MTA3: variants seen among roughly 807,000 people sequenced by gnomAD.
The protein encoded by MTA3 is metastasis associated 1 family member 3.
MTA3 carries 34 observed loss-of-function variants against 83.5 expected under a neutral mutation model. The ratio of observed to expected loss-of-function variants is 0.41; its 90% CI spans 0.31 to 0.54. The LOEUF is 0.54. MTA3 is among the 20% of genes least tolerant of loss of function. The pLI, the probability that MTA3 is intolerant of heterozygous loss-of-function variation, is 0.33. For missense variants in MTA3, 761 were observed against 726.4 expected, an observed-to-expected ratio of 1.05 and a Z score of -0.55; for synonymous variants, 303 against 252.7, an observed-to-expected ratio of 1.20 and a Z score of -1.89.
At chr2:42,627,022 T>G (rs1573367671) in intron 4 of MTA3, among the ~76,000 whole-genome samples, 1 of 152,256 alleles carries the variant, frequency 6.6e-6, no homozygotes, top group East Asian at 1.9e-4. Context: ...ATTACAGGCA[T>G]GAGCCACTGC....
chr2:42,746,558 C>T (rs1669447574), intron 16 of MTA3, among the ~76,000 whole-genome samples: 1 of 152,208 alleles, frequency 6.6e-6, no homozygotes, highest in Admixed American at 6.5e-5. Flanking sequence ...CACAAGACTG[C>T]CACCCGACTT....
At chr2:42,646,884 C>T (rs904230585) in intron 6 of MTA3, among the ~76,000 whole-genome samples, 8 of 152,050 alleles carry the variant, frequency 5.3e-5, no homozygotes, top group Non-Finnish European at 1.0e-4. Context: ...TGGCTGAGCA[C>T]GGTGGCACAC....
chr2:42,654,851 A>G (rs1215818840), intron 6 of MTA3, among the ~76,000 whole-genome samples: 1 of 152,134 alleles, frequency 6.6e-6, no homozygotes, highest in East Asian at 1.9e-4. Flanking sequence ...TCTGGTCTCA[A>G]GTAATCCTCC....
intron 2 of MTA3, among the ~76,000 whole-genome samples, chr2:42,514,981 A>G (rs1259051631): frequency 3.3e-5 from 5 of 151,646 alleles, no homozygotes; most frequent in Non-Finnish European, 7.4e-5. Flanking sequence ...GTGACCCACT[A>G]TGACCGGCCT....
chr2:42,497,093 C>A (rs1164533985), intron 2 of MTA3, among the ~76,000 whole-genome samples: 1 of 152,078 alleles, frequency 6.6e-6, no homozygotes, highest in East Asian at 1.9e-4. Context: ...GTAATCCCAG[C>A]TACTGGGGAG....
chr2:42,587,344 C>T (rs912919356), intron 3 of MTA3, among the ~76,000 whole-genome samples: 8 of 152,090 alleles, frequency 5.3e-5, no homozygotes, highest in African/African-American at 1.9e-4. Flanking sequence ...AATGAGCAAA[C>T]ATTTAAAAGA....
At chr2:42,691,070 T>C (rs1692850454) in intron 9 of MTA3, among the ~76,000 whole-genome samples, 2 of 151,834 alleles carry the variant, frequency 1.3e-5, no homozygotes, top group African/African-American at 4.8e-5. Context: ...AGAAATGGGG[T>C]TTCACTATGT....
rs535456367 is a variant in MTA3 at position 42,559,844 on chromosome 2, G to A, written c.-140-10593G>A. Among the ~76,000 whole-genome samples, 23 of 151,560 alleles carry A rather than the reference G, an allele frequency of 1.5e-4. No individual in the cohort carries two copies. The East Asian group carries it at 3.9e-3, about 26-fold the overall frequency. On this transcript the variant is annotated intron_variant, in intron 2 of 17. Coordinates refer to the MTA3 transcript ENST00000405592. ...GGGGGTGCGGTGGAGGTTGCAGTAA[G>A]CCGAGATTGAGCCGCTGCACTCCAG...
intron 2 of MTA3, among the ~76,000 whole-genome samples, chr2:42,545,619 C>T (rs768114266): frequency 2.6e-5 from 4 of 152,024 alleles, no homozygotes; most frequent in Non-Finnish European, 4.4e-5. Flanking sequence ...GGGTATAAGG[C>T]CTACCTCATT....
At chr2:42,600,187 G>T (rs1478186096) in intron 3 of MTA3, among the ~76,000 whole-genome samples, 2 of 152,132 alleles carry the variant, frequency 1.3e-5, no homozygotes, top group African/African-American at 4.8e-5. Context: ...AACAGAGCGA[G>T]ACTCTGTCTC....
At chr2:42,570,540 A>G (rs1465009923) in intron 2 of MTA3, 36 bp downstream of exon 2, 1 of 1,247,792 alleles carries the variant, frequency 8.0e-7, no homozygotes, top group Admixed American at 2.5e-5. Flanking sequence ...AATATTAAAA[A>G]TATTTATTTT....
In MTA3 at chr2:42,594,728, A is replaced by ATATATATTTTTTTTTT; in HGVS notation, c.191-14729_191-14728insATATATTTTTTTTTTT. ...TACATATATATATATATATATATAT[A>ATATATATTTTTTTTTT]TTTTTTTTTTTTTTTTGAGACAGAG... is the stretch of plus-strand genomic sequence containing the variant. On this transcript the variant is annotated intron_variant, in intron 3 of 16. Coordinates refer to ENST00000405094, the MANE Select transcript of MTA3 (RefSeq NM_001330442.2). Among the ~76,000 whole-genome samples, 203 of 24,016 alleles carry ATATATATTTTTTTTTT rather than the reference A, an allele frequency of 8.5e-3. 8 individuals are homozygous for ATATATATTTTTTTTTT. Among genetic ancestry groups the ATATATATTTTTTTTTT allele is most frequent in the Non-Finnish European group, 0.011 (166 of 15,440 alleles). 15.8% of individuals were successfully genotyped at this position (24,016 alleles called of 152,430 possible).
chr2:42,643,770 G>A (rs899266956), intron 5 of MTA3, among the ~76,000 whole-genome samples: 65 of 152,316 alleles, frequency 4.3e-4, no homozygotes, highest in African/African-American at 1.4e-3. Context: ...GTGGACTTCA[G>A]AAGTTTATAA....
intron 12 of MTA3, among the ~76,000 whole-genome samples, chr2:42,704,594 G>A (rs944536860): frequency 6.6e-6 from 1 of 152,200 alleles, no homozygotes; most frequent in African/African-American, 2.4e-5. Context: ...TTGCTGAGTT[G>A]TGTTTAGAGT....
chr2:42,755,247 A>G lies in MTA3; in HGVS notation c.*1848A>G, dbSNP rs998588124. 2 of 985,202 alleles carry G rather than the reference A, an allele frequency of 2.0e-6. No homozygotes were observed. Among genetic ancestry groups the G allele is most frequent in the Admixed American group, 6.1e-5 (1 of 16,266 alleles). The allele number at this position is 985,202 out of a possible 1,614,324, so 61.0% of individuals were successfully genotyped here. ...ACCCAGAAGGGGAAATGATTCCCTC[A>G]CCCTTTCACTTTCTCTCTGAACCCC... On this transcript the variant is annotated 3_prime_UTR_variant, in exon 17 of 17. Transcript: ENST00000405094.
At chr2:42,686,858 C>T (rs1692417328) in intron 9 of MTA3, among the ~76,000 whole-genome samples, 1 of 150,262 alleles carries the variant, frequency 6.7e-6, no homozygotes, top group African/African-American at 2.5e-5. Flanking sequence ...GTGGCTCACA[C>T]TTGTAATCCA....
chr2:42,736,949 C>T (rs1668654479), intron 16 of MTA3, among the ~76,000 whole-genome samples: 1 of 152,196 alleles, frequency 6.6e-6, no homozygotes, highest in Non-Finnish European at 1.5e-5. Flanking sequence ...ATGGGGGCCT[C>T]ACAGCTGTGT....
chr2:42,542,368 T>G (rs944425798), intron 2 of MTA3, among the ~76,000 whole-genome samples: 4 of 152,192 alleles, frequency 2.6e-5, no homozygotes, highest in African/African-American at 9.7e-5. Context: ...GATACCCATA[T>G]GTGAAGAAAA....
intron 4 of MTA3, among the ~76,000 whole-genome samples, chr2:42,622,375 C>T (rs1040507295): frequency 4.5e-4 from 48 of 107,616 alleles, no homozygotes; most frequent in Non-Finnish European, 7.0e-4. Flanking sequence ...AGCTTCGGCT[C>T]GGCATGAGAG....
Sources: allele counts gnomAD v4.1 joint callset (sites outside exome capture counted in the v4.1 genomes callset), GRCh38; gene constraint gnomAD v4.1.1; transcripts MANE v1.5; gene names NCBI Gene and HGNC (gene_info 2026-07-23, HGNC 2026-07-21).